Variants in SAMMSON observed in about 807,000 individuals in gnomAD.
SAMMSON encodes the protein long intergenic non-protein coding RNA 1212.
chr3:70,086,689 A>T (rs893158892), intron 4 of SAMMSON, among the ~76,000 whole-genome samples: 2 of 152,124 alleles, frequency 1.3e-5, no homozygotes, highest in African/African-American at 4.8e-5. Flanking sequence ...AGCCCCCTTA[A>T]TCTGGGGCTA....
chr3:70,216,997 T>C (rs1270683224), intron 4 of SAMMSON, among the ~76,000 whole-genome samples: 1 of 152,160 alleles, frequency 6.6e-6, no homozygotes, highest in African/African-American at 2.4e-5. Flanking sequence ...TTTAATCTCA[T>C]AGCCCTGATC....
intron 4 of SAMMSON, among the ~76,000 whole-genome samples, chr3:70,130,380 G>T (rs1209175577): frequency 6.6e-6 from 1 of 152,164 alleles, no homozygotes; most frequent in African/African-American, 2.4e-5. Context: ...ATGTGCTAGG[G>T]TTGTGAATTA....
chr3:70,098,267 C>T (rs1419477803), intron 4 of SAMMSON, among the ~76,000 whole-genome samples: 3 of 152,182 alleles, frequency 2.0e-5, no homozygotes, highest in Admixed American at 6.5e-5. Flanking sequence ...TGGCAGGAAT[C>T]CCTGCAAACT....
intron 4 of SAMMSON, among the ~76,000 whole-genome samples, chr3:70,090,084 C>A (rs2067299918): frequency 1.3e-5 from 2 of 152,022 alleles, no homozygotes; most frequent in African/African-American, 4.8e-5. Flanking sequence ...ATGAACACCT[C>A]AAAGACAGAT....
intron 3 of SAMMSON, among the ~76,000 whole-genome samples, chr3:70,038,922 T>C (rs936830433): frequency 2.6e-5 from 4 of 152,004 alleles, no homozygotes; most frequent in Non-Finnish European, 5.9e-5. Context: ...CAGTGTGAAG[T>C]GGTTTAGGAG....
intron 1 of SAMMSON, among the ~76,000 whole-genome samples, chr3:70,010,042 G>T (rs978201846): frequency 3.9e-5 from 6 of 152,016 alleles, no homozygotes; most frequent in African/African-American, 1.2e-4. Flanking sequence ...ATTTGCTGAG[G>T]AGTGCTTTAC....
chr3:70,371,870 G>C (rs913201124), intron 9 of SAMMSON, among the ~76,000 whole-genome samples: 2 of 152,214 alleles, frequency 1.3e-5, no homozygotes, highest in African/African-American at 4.8e-5. Context: ...CCAGTACTAG[G>C]TTAAATAAGA....
At chr3:70,285,593 A>C (rs1342968268) in intron 6 of SAMMSON, among the ~76,000 whole-genome samples, 16 of 151,824 alleles carry the variant, frequency 1.1e-4, no homozygotes, top group Non-Finnish European at 1.5e-5. Context: ...TGGCTGTGTC[A>C]AATGGTATTT....
chr3:70,313,957 A>C (rs991518580), intron 7 of SAMMSON, among the ~76,000 whole-genome samples: 1 of 152,060 alleles, frequency 6.6e-6, no homozygotes, highest in Non-Finnish European at 1.5e-5. Context: ...CTCCAACCTA[A>C]TTGCATTGTG....
At chr3:70,161,609 A>G (rs2067615517) in intron 4 of SAMMSON, among the ~76,000 whole-genome samples, 1 of 151,844 alleles carries the variant, frequency 6.6e-6, no homozygotes, top group Admixed American at 6.6e-5. Flanking sequence ...CATGAGGGAT[A>G]TTGGTCTGTG....
intron 9 of SAMMSON, among the ~76,000 whole-genome samples, chr3:70,364,022 G>T (rs1267349431): frequency 6.6e-6 from 1 of 151,772 alleles, no homozygotes; most frequent in Non-Finnish European, 1.5e-5. Flanking sequence ...GATCTTATCT[G>T]TTGACATTCT....
At chr3:70,291,860 T>G (rs1196566742) in intron 7 of SAMMSON, 1 of 152,228 alleles carries the variant, frequency 6.6e-6, no homozygotes, top group African/African-American at 2.4e-5. Flanking sequence ...TATCTTCGGC[T>G]TCCTGGAAGA....
intron 7 of SAMMSON, among the ~76,000 whole-genome samples, chr3:70,316,116 T>C (rs1347622148): frequency 6.6e-6 from 1 of 152,168 alleles, no homozygotes; most frequent in Non-Finnish European, 1.5e-5. Context: ...TCCAGAAATA[T>C]AATCTTTAAG....
chr3:70,276,682 AT>A (rs1702030047), intron 6 of SAMMSON, among the ~76,000 whole-genome samples: 1 of 152,176 alleles, frequency 6.6e-6, no homozygotes, highest in Non-Finnish European at 1.5e-5. Context: ...GGCCTACTGC[AT>A]TTTTTTGTAA....
intron 3 of SAMMSON, among the ~76,000 whole-genome samples, chr3:70,066,532 C>G (rs2067210971): frequency 6.6e-6 from 1 of 152,096 alleles, no homozygotes; most frequent in Non-Finnish European, 1.5e-5. Flanking sequence ...CCATCCTGCT[C>G]TTTTACAAGT....
At chr3:70,410,138 G>A (rs930351860) in intron 2 of SAMMSON, among the ~76,000 whole-genome samples, 1 of 152,102 alleles carries the variant, frequency 6.6e-6, no homozygotes, top group African/African-American at 2.4e-5. Context: ...TCTCCATCTG[G>A]ACTTTGAATA....
chr3:70,292,323 G>T (rs1421946406), intron 7 of SAMMSON, among the ~76,000 whole-genome samples: 4 of 152,004 alleles, frequency 2.6e-5, no homozygotes, highest in Non-Finnish European at 5.9e-5. Context: ...CTATTAGAAT[G>T]GAGTCTCTGA....
At chr3:70,232,851 GAAA>G (rs1403661885) in intron 4 of SAMMSON, among the ~76,000 whole-genome samples, 1 of 151,988 alleles carries the variant, frequency 6.6e-6, no homozygotes, top group Non-Finnish European at 1.5e-5. Context: ...CAGAAAGAAG[GAAA>G]AAAATCTTGC....
intron 8 of SAMMSON, chr3:70,358,210 T>C (rs805494): frequency 0.34 from 51,674 of 152,064 alleles, 9,163 homozygotes; most frequent in Middle Eastern, 0.38. Context: ...ACTACATTTT[T>C]GCCATTATCT....
Sources: gnomAD v4.1 joint callset for allele counts (sites outside exome capture counted in the v4.1 genomes callset) on GRCh38, gnomAD v4.1.1 for gene constraint, MANE v1.5 for transcripts, NCBI Gene and HGNC (gene_info 2026-07-23, HGNC 2026-07-21) for gene names.